The following PCMTD1 variants were observed in gnomAD, a reference collection of about 807,000 sequenced individuals.
The protein encoded by PCMTD1 is protein-L-isoaspartate O-methyltransferase domain-containing protein 1.
A neutral mutation model predicts 37.6 loss-of-function variants in PCMTD1; 12 were observed. That is an observed-to-expected ratio of 0.32 (90% CI 0.20 to 0.52). The LOEUF is 0.52. Among genes scored for constraint, PCMTD1 ranks in the 20% least tolerant of loss-of-function variants. The pLI is 0.97. For synonymous variants in PCMTD1, 117 were observed against 135.8 expected (o/e 0.86, Z 0.96); for missense variants, 235 against 421.3 (o/e 0.56, Z 3.87).
chr8:51,834,850 G>C (rs1046419077), intron 3 of PCMTD1, among the ~76,000 whole-genome samples: 4 of 152,088 alleles, frequency 2.6e-5, no homozygotes, highest in African/African-American at 9.7e-5. Flanking sequence ...CTTTTTGTTG[G>C]AAGGGTATAA....
intron 5 of PCMTD1, among the ~76,000 whole-genome samples, chr8:51,822,739 T>G (rs1234826437): frequency 1.3e-5 from 2 of 152,152 alleles, no homozygotes; most frequent in African/African-American, 4.8e-5. Flanking sequence ...GCTAATCTCA[T>G]GTCATCAGCC....
intron 2 of PCMTD1, among the ~76,000 whole-genome samples, chr8:51,859,138 A>G (rs1375171933): frequency 6.6e-6 from 1 of 152,206 alleles, no homozygotes; most frequent in Non-Finnish European, 1.5e-5. Context: ...AAGACAGAAT[A>G]AACAGGCACT....
intron 3 of PCMTD1, chr8:51,839,559 T>C: frequency 4.1e-6 from 4 of 985,470 alleles, no homozygotes; most frequent in Non-Finnish European, 4.8e-6. Context: ...ATTCTTTTGA[T>C]AAGCTGCTAG....
At chr8:51,837,861 C>T (rs1280935623) in intron 3 of PCMTD1, among the ~76,000 whole-genome samples, 2 of 152,084 alleles carry the variant, frequency 1.3e-5, no homozygotes, top group Non-Finnish European at 2.9e-5. Flanking sequence ...CTCACTGCAA[C>T]CTCCACCTCT....
intron 1 of PCMTD1, among the ~76,000 whole-genome samples, chr8:51,895,103 T>C (rs931759814): frequency 8.5e-5 from 13 of 152,080 alleles, no homozygotes; most frequent in African/African-American, 1.4e-4. Flanking sequence ...CTGTGTGGGA[T>C]TGCCAAAGAA....
intron 3 of PCMTD1, among the ~76,000 whole-genome samples, chr8:51,842,929 A>T (rs1230066212): frequency 1.3e-5 from 2 of 152,152 alleles, no homozygotes; most frequent in East Asian, 3.9e-4. Flanking sequence ...AATGGCAATT[A>T]ATTTTCCTCA....
intron 1 of PCMTD1, among the ~76,000 whole-genome samples, chr8:51,867,778 T>G (rs2038578744): frequency 6.6e-6 from 1 of 151,688 alleles, no homozygotes; most frequent in Non-Finnish European, 1.5e-5. Flanking sequence ...CTTACAAAAG[T>G]AGAGCATAGA....
At chr8:51,835,356 G>T (rs964455266) in intron 3 of PCMTD1, among the ~76,000 whole-genome samples, 1 of 152,030 alleles carries the variant, frequency 6.6e-6, no homozygotes, top group Admixed American at 6.6e-5. Context: ...TACTTGCACA[G>T]CACACACAAA....
intron 1 of PCMTD1, among the ~76,000 whole-genome samples, chr8:51,892,723 A>T (rs1368995329): frequency 6.6e-6 from 1 of 152,210 alleles, no homozygotes; most frequent in African/African-American, 2.4e-5. Flanking sequence ...TTTAAGAATG[A>T]AGTGGTTCTT....
intron 2 of PCMTD1, among the ~76,000 whole-genome samples, chr8:51,856,915 T>C (rs2038398323): frequency 6.6e-6 from 1 of 152,210 alleles, no homozygotes; most frequent in South Asian, 2.1e-4. Context: ...GGCAGTATCC[T>C]CAAACTGGAT....
chr8:51,897,039 ATTCCT>A (rs2039012375), intron 1 of PCMTD1, among the ~76,000 whole-genome samples: 1 of 152,190 alleles, frequency 6.6e-6, no homozygotes, highest in African/African-American at 2.4e-5. Flanking sequence ...GGATTTTTTT[ATTCCT>A]TTCGAGCACA....
rs770072233 is a variant in PCMTD1 at position 51,831,619 on chromosome 8, G to A, written c.583-52C>T. ...GTGAACAACTTAATCCCAACAATGT[G>A]GTCACCTTACAGTCAAAACTTTGTT... is the stretch of plus-strand genomic sequence containing the variant. On this transcript the variant is annotated intron_variant, in intron 4 of 5. Transcript: ENST00000522514. 17 of 1,552,144 alleles carry A rather than the reference G, an allele frequency of 1.1e-5. No homozygotes were observed. In the East Asian group the frequency reaches 2.5e-4, roughly 23 times the overall value.
intron 1 of PCMTD1, among the ~76,000 whole-genome samples, chr8:51,871,818 T>G (rs903288597): frequency 1.3e-5 from 2 of 152,180 alleles, no homozygotes; most frequent in African/African-American, 4.8e-5. Flanking sequence ...GTACATGAAG[T>G]ATATGTTTTC....
chr8:51,845,885 A>G (rs1041120438), intron 2 of PCMTD1, 122 bp from the exon 3 acceptor site: 8 of 600,108 alleles, frequency 1.3e-5, no homozygotes, highest in Non-Finnish European at 2.0e-5. Context: ...ATATGCAAAT[A>G]CTTCCTAGCC....
chr8:51,896,169 C>T (rs2038998446), intron 1 of PCMTD1: 1 of 152,096 alleles, frequency 6.6e-6, no homozygotes, highest in Non-Finnish European at 1.5e-5. Context: ...TGGACTCGAA[C>T]TCCTGACCTC....
Position 51,861,195 on chromosome 8 carries a change from TTAG to T in PCMTD1, c.-47_-45del. The T allele has an allele frequency of 6.5e-7, 1 of 1,529,592 alleles. No homozygotes were observed. Among genetic ancestry groups the T allele is most frequent in the South Asian group, 1.3e-5 (1 of 76,220 alleles). 94.8% of individuals were successfully genotyped at this position (1,529,592 alleles called of 1,614,324 possible). A position where few individuals can be genotyped will look rare whatever the true frequency, so the allele number is the denominator to read the frequency against. On this transcript the variant is annotated 5_prime_UTR_variant, in exon 2 of 6. Coordinates refer to ENST00000522514, the MANE Select transcript of PCMTD1 (RefSeq NM_052937.4). Reference sequence around the variant, plus strand: ...TCATAAATTTAAAAGTGAAATAAAATTAGTAGAAATGGCTTCCAATATTGCACT... The same window carrying T: ...TCATAAATTTAAAAGTGAAATAAAATTAGAAATGGCTTCCAATATTGCACT...
chr8:51,826,875 T>C (rs190886566), intron 5 of PCMTD1: 31 of 852,380 alleles, frequency 3.6e-5, no homozygotes, highest in Admixed American at 1.2e-4. Context: ...CAGAAAGAAA[T>C]AGGATTTTTA....
chr8:51,882,227 A>G lies in PCMTD1; in HGVS notation c.-96+16703T>C, dbSNP rs182256802. Among the ~76,000 whole-genome samples, 137 of 152,328 alleles carry G rather than the reference A, an allele frequency of 9.0e-4. 1 individual carries two copies. Among genetic ancestry groups the G allele is most frequent in the South Asian group, 3.1e-3 (15 of 4,826 alleles). On this transcript the variant is annotated intron_variant, in intron 1 of 5. Coordinates refer to ENST00000522514, the MANE Select transcript of PCMTD1 (RefSeq NM_052937.4). ...GGTCACCATCTTGCTGTGTTCTCAC[A>G]TGACCTCTTCTTTGTACACACAAAA...
At chr8:51,822,734 T>C (rs2037866921) in intron 5 of PCMTD1, among the ~76,000 whole-genome samples, 1 of 152,068 alleles carries the variant, frequency 6.6e-6, no homozygotes, top group Admixed American at 6.5e-5. Flanking sequence ...GAGATGCTAA[T>C]CTCATGTCAT....
Sources: allele counts gnomAD v4.1 joint callset (sites outside exome capture counted in the v4.1 genomes callset), GRCh38; gene constraint gnomAD v4.1.1; transcripts MANE v1.5; gene names NCBI Gene and HGNC (gene_info 2026-07-23, HGNC 2026-07-21).